NR2C1: variants seen among roughly 807,000 people sequenced by gnomAD.
NR2C1 encodes nuclear receptor subfamily 2 group C member 1.
A neutral mutation model predicts 74.8 loss-of-function variants in NR2C1; 33 were observed. The ratio of observed to expected loss-of-function variants is 0.44; its 90% confidence interval spans 0.33 to 0.59. The LOEUF (loss-of-function observed/expected upper bound fraction) is 0.59, where lower values mean the gene tolerates loss of function less well. Among genes scored for constraint, NR2C1 ranks in the 20% least tolerant of loss-of-function variants. NR2C1 has a pLI of 0.02. For synonymous variants in NR2C1, 225 were observed against 240.6 expected, an observed-to-expected ratio of 0.94 and a Z score of 0.60; for missense variants, 568 against 715.6, an observed-to-expected ratio of 0.79 and a Z score of 2.35.
chr12:95,061,863 T>C (rs114882813), intron 3 of NR2C1, among the ~76,000 whole-genome samples: 55 of 152,336 alleles, frequency 3.6e-4, no homozygotes, highest in African/African-American at 1.3e-3. Flanking sequence ...CTTTGAAGAA[T>C]AATGTGTAAT....
intron 1 of NR2C1, among the ~76,000 whole-genome samples, chr12:95,069,638 T>C (rs903743094): frequency 6.6e-6 from 1 of 152,232 alleles, no homozygotes; most frequent in African/African-American, 2.4e-5. Flanking sequence ...CACATCCCCA[T>C]AACATATGAC....
intron 10 of NR2C1, among the ~76,000 whole-genome samples, chr12:95,034,944 T>C (rs1003512626): frequency 1.3e-5 from 2 of 152,076 alleles, no homozygotes; most frequent in African/African-American, 4.8e-5. Flanking sequence ...TATACTAACA[T>C]GACCATACTA....
At chr12:95,033,014 G>C (rs541544412) in intron 10 of NR2C1, among the ~76,000 whole-genome samples, 1 of 152,010 alleles carries the variant, frequency 6.6e-6, no homozygotes, top group East Asian at 1.9e-4. Flanking sequence ...CATGCCTATA[G>C]TCCCAGCTAC....
intron 1 of NR2C1, among the ~76,000 whole-genome samples, chr12:95,069,121 T>C (rs2136207726): frequency 6.6e-6 from 1 of 152,358 alleles, no homozygotes; most frequent in South Asian, 2.1e-4. Context: ...TGCTTTTAAA[T>C]TTTGCTTAAA....
intron 12 of NR2C1, 142 bp from the exon 13 acceptor site, chr12:95,025,397 G>A (rs1004949606): frequency 6.2e-5 from 32 of 519,048 alleles, no homozygotes; most frequent in African/African-American, 5.6e-4. Context: ...GGTGGCTCAC[G>A]CCTGTAATCC....
Position 95,038,779 on chromosome 12 carries a change from C to T in NR2C1, c.1253+1697G>A, listed in dbSNP as rs193252343. The stretch of plus-strand genomic sequence containing the variant: ...TGGTCGATAATAGACTAATTGTTCT[C>T]CAGATTACCCCACCCCTCAGTAGTG... On this transcript the variant is annotated intron_variant, in intron 10 of 13. Coordinates refer to ENST00000333003, the MANE Select transcript of NR2C1 (RefSeq NM_003297.4). Among the ~76,000 whole-genome samples, 4 of 152,198 alleles carry T rather than the reference C, an allele frequency of 2.6e-5. No homozygotes were observed. The East Asian group carries it at 7.7e-4, about 29-fold the overall frequency.
chr12:95,070,197 T>C (rs1334719810), intron 1 of NR2C1, among the ~76,000 whole-genome samples: 2 of 152,076 alleles, frequency 1.3e-5, no homozygotes, highest in African/African-American at 2.4e-5. Flanking sequence ...AGTGGTGCAA[T>C]CTCGGCTCAC....
At chr12:95,067,720 C>T (rs148308548) in intron 1 of NR2C1, among the ~76,000 whole-genome samples, 48 of 151,904 alleles carry the variant, frequency 3.2e-4, no homozygotes, top group Non-Finnish European at 6.2e-4. Flanking sequence ...TACACCACCA[C>T]ACCTGGCTAA....
intron 1 of NR2C1, among the ~76,000 whole-genome samples, chr12:95,070,119 GTTTT>G (rs1042885692): frequency 6.7e-6 from 1 of 148,182 alleles, no homozygotes; most frequent in Non-Finnish European, 1.5e-5. Context: ...AAATTTACAA[GTTTT>G]TTTTGTTTTT....
At chr12:95,039,429 G>A (rs570673446) in intron 10 of NR2C1, among the ~76,000 whole-genome samples, 1 of 152,308 alleles carries the variant, frequency 6.6e-6, no homozygotes, top group African/African-American at 2.4e-5. Context: ...CTGGTGAATA[G>A]GGTCCTAGGA....
At chr12:95,025,113 C>G in intron 13 of NR2C1, 37 bp downstream of exon 13, 1 of 976,282 alleles carries the variant, frequency 1.0e-6, no homozygotes, top group Non-Finnish European at 1.5e-6. Flanking sequence ...AAAGGTTTTT[C>G]AATTATTTTA....
chr12:95,071,034 T>C (rs1048863211), intron 1 of NR2C1, among the ~76,000 whole-genome samples: 1 of 152,080 alleles, frequency 6.6e-6, no homozygotes, highest in Non-Finnish European at 1.5e-5. Flanking sequence ...ACCCCATCTC[T>C]ACGAAAAATA....
intron 1 of NR2C1, among the ~76,000 whole-genome samples, chr12:95,067,712 C>T (rs184601899): frequency 5.7e-4 from 87 of 151,822 alleles, no homozygotes; most frequent in African/African-American, 1.8e-3. Context: ...TACAGGTATA[C>T]ACCACCACAC....
intron 11 of NR2C1, chr12:95,030,757 C>A (rs1037978634): frequency 6.2e-7 from 1 of 1,608,992 alleles, no homozygotes; most frequent in Non-Finnish European, 8.5e-7. Flanking sequence ...GGCAATTTTC[C>A]CCATTTGTTG....
chr12:95,032,986 T>A (rs1219033171), intron 10 of NR2C1, among the ~76,000 whole-genome samples: 2 of 151,702 alleles, frequency 1.3e-5, no homozygotes. Context: ...GAGAGAGAAT[T>A]AACTGGGTGC....
intron 9 of NR2C1, among the ~76,000 whole-genome samples, chr12:95,048,598 C>G (rs1872591626): frequency 6.7e-6 from 1 of 149,378 alleles, no homozygotes. Flanking sequence ...AGCCTAAAGA[C>G]ATTTTGTTTC....
At chr12:95,035,250 C>T (rs192195732) in intron 10 of NR2C1, among the ~76,000 whole-genome samples, 183 of 152,258 alleles carry the variant, frequency 1.2e-3, no homozygotes, top group Non-Finnish European at 2.2e-3. Context: ...GGACACCAAA[C>T]TGTTAACAGT....
chr12:95,060,405 G>A (rs987898842), intron 3 of NR2C1, among the ~76,000 whole-genome samples: 3 of 152,216 alleles, frequency 2.0e-5, no homozygotes, highest in Non-Finnish European at 1.5e-5. Context: ...TGTAATCCCA[G>A]CACTTTGGGA....
At chr12:95,051,980 T>C (rs755520956) in intron 7 of NR2C1, 37 bp from the exon 8 acceptor site, 2 of 1,386,054 alleles carry the variant, frequency 1.4e-6, no homozygotes, top group Non-Finnish European at 9.8e-7. Context: ...TGTGAATTGG[T>C]ATCACTATTT....
Sources: allele counts gnomAD v4.1 joint callset (sites outside exome capture counted in the v4.1 genomes callset), GRCh38; gene constraint gnomAD v4.1.1; transcripts MANE v1.5; gene names NCBI Gene and HGNC (gene_info 2026-07-23, HGNC 2026-07-21).